Variants in FAM227A observed in about 807,000 individuals in gnomAD.
FAM227A encodes the protein protein FAM227A.
A neutral mutation model predicts 74.7 loss-of-function variants in FAM227A; 80 were observed. That is an observed-to-expected ratio of 1.07 (90% CI 0.89 to 1.29). FAM227A has a LOEUF of 1.29. Ranked by LOEUF, FAM227A falls within the 50% of genes most tolerant of loss-of-function variation. The pLI, the probability that FAM227A is intolerant of heterozygous loss-of-function variation, is 0.00. For synonymous variants in FAM227A, 237 were observed against 241.8 expected, an observed-to-expected ratio of 0.98 and a Z score of 0.19; for missense variants, 654 against 683.4, an observed-to-expected ratio of 0.96 and a Z score of 0.48.
chr22:38,597,479 C>T (rs1396998897), intron 14 of FAM227A, 123 bp from the exon 15 acceptor site: 17 of 934,892 alleles, frequency 1.8e-5, no homozygotes, highest in East Asian at 2.6e-5. Flanking sequence ...AAATGCCCTG[C>T]GTTTCTGGAT....
intron 13 of FAM227A, among the ~76,000 whole-genome samples, chr22:38,603,125 C>T (rs1480301085): frequency 1.3e-5 from 2 of 152,140 alleles, no homozygotes; most frequent in Non-Finnish European, 2.9e-5. Flanking sequence ...CTGCCCACCT[C>T]GACCTCCCAA....
rs1359918298 is a variant in FAM227A at position 38,649,952 on chromosome 22, C to A, written c.142+75G>T. ...GTAATGTGCATTATAGACCTGAGCACTGATTAGATCTCTGTGGCATGACTC... is the reference window on the plus strand; with the variant it reads ...GTAATGTGCATTATAGACCTGAGCAATGATTAGATCTCTGTGGCATGACTC... On this transcript the variant is annotated intron_variant, in intron 2 of 16. Coordinates refer to ENST00000535113, the MANE Select transcript of FAM227A (RefSeq NM_001013647.2). The A allele has an allele frequency of 8.1e-6, 11 of 1,353,654 alleles. No homozygotes were observed. The African/African-American group carries it at 1.6e-4, about 20-fold the overall frequency. 83.9% of individuals were successfully genotyped at this position (1,353,654 alleles called of 1,614,324 possible). A position where few individuals can be genotyped will look rare whatever the true frequency, so the allele number is the denominator to read the frequency against.
At chr22:38,588,096 A>G (rs1284453707) in intron 16 of FAM227A, among the ~76,000 whole-genome samples, 1 of 152,174 alleles carries the variant, frequency 6.6e-6, no homozygotes, top group African/African-American at 2.4e-5. Flanking sequence ...CCCACAGATA[A>G]CAGCACACTC....
intron 9 of FAM227A, among the ~76,000 whole-genome samples, chr22:38,625,214 C>T (rs1378439611): frequency 6.6e-6 from 1 of 151,748 alleles, no homozygotes; most frequent in Non-Finnish European, 1.5e-5. Context: ...ACAGTGAAAC[C>T]CCGTCTCTAC....
intron 11 of FAM227A, among the ~76,000 whole-genome samples, chr22:38,619,426 C>T (rs1342606343): frequency 6.6e-6 from 1 of 152,162 alleles, no homozygotes; most frequent in African/African-American, 2.4e-5. Flanking sequence ...CGGGTTCAAG[C>T]AATTCTTGTG....
At chr22:38,650,564 T>A (rs900338559) in intron 1 of FAM227A, among the ~76,000 whole-genome samples, 10 of 152,162 alleles carry the variant, frequency 6.6e-5, no homozygotes, top group Admixed American at 6.6e-4. Context: ...TCCAGACCAC[T>A]CAGCAAGTCA....
chr22:38,623,455 G>A lies in FAM227A; in HGVS notation c.851-176C>T, dbSNP rs201599047. Among the ~76,000 whole-genome samples, 10 of 152,292 alleles carry A rather than the reference G, an allele frequency of 6.6e-5. No homozygotes were observed. In the East Asian group the frequency reaches 1.7e-3, roughly 26 times the overall value. On this transcript the variant is annotated intron_variant, in intron 9 of 16. Coordinates refer to ENST00000535113, the MANE Select transcript of FAM227A (RefSeq NM_001013647.2). ...AATTAAAAAAAGAGTGAAAATGGAC[G>A]CTTCTGCAAAAGAGGCCTGGGGAGC...
chr22:38,649,893 A>T, intron 2 of FAM227A, 134 bp downstream of exon 2: 1 of 819,526 alleles, frequency 1.2e-6, no homozygotes, highest in Non-Finnish European at 1.8e-6. Context: ...AGAAAAGAAA[A>T]GAAAAAATGA....
chr22:38,636,036 G>A (rs1569229680), intron 6 of FAM227A, among the ~76,000 whole-genome samples: 1 of 144,972 alleles, frequency 6.9e-6, no homozygotes, highest in East Asian at 2.0e-4. Context: ...AAGAGAGAAA[G>A]AGAAAGAGAG....
intron 16 of FAM227A, among the ~76,000 whole-genome samples, chr22:38,586,687 T>C (rs1569183317): frequency 6.6e-6 from 1 of 152,154 alleles, no homozygotes; most frequent in Non-Finnish European, 1.5e-5. Flanking sequence ...CTTTCTTTTT[T>C]GGGACGGAGT....
chr22:38,582,752 T>A lies in FAM227A; in HGVS notation c.*3373A>T. On this transcript the variant is annotated 3_prime_UTR_variant, in exon 17 of 17. Transcript: ENST00000535113. ...CTTCTTGCTGTATGGGGGCTAATAGTAGCGGTGGATAGGTAGACAGGCAAT... is the reference window on the plus strand; with the variant it reads ...CTTCTTGCTGTATGGGGGCTAATAGAAGCGGTGGATAGGTAGACAGGCAAT... 1 of 1,394,744 alleles carries A rather than the reference T, an allele frequency of 7.2e-7. No homozygotes were observed. The highest frequency in any genetic ancestry group is 2.5e-5 in the East Asian group (1 of 40,102). The allele number at this position is 1,394,744 out of a possible 1,614,324, so 86.4% of individuals were successfully genotyped here.
Position 38,580,541 on chromosome 22 carries a change from T to A in FAM227A, c.*5584A>T, listed in dbSNP as rs559278953. 1 of 152,216 alleles carries A rather than the reference T, an allele frequency of 6.6e-6. No homozygotes were observed. The highest frequency in any genetic ancestry group is 6.5e-5 in the Admixed American group (1 of 15,284). The allele number at this position is 152,216 out of a possible 1,614,324, so 9.4% of individuals were successfully genotyped here. On this transcript the variant is annotated 3_prime_UTR_variant, in exon 17 of 17. Transcript: ENST00000535113. ...CTTTTGTGATGTAAGCAGCCATGGATAATCAACCTAGATCCATTAATTCAT... is the reference window on the plus strand; with the variant it reads ...CTTTTGTGATGTAAGCAGCCATGGAAAATCAACCTAGATCCATTAATTCAT...
At chr22:38,608,245 T>C (rs1029063445) in intron 11 of FAM227A, among the ~76,000 whole-genome samples, 6 of 151,950 alleles carry the variant, frequency 3.9e-5, no homozygotes, top group African/African-American at 1.5e-4. Flanking sequence ...GGAGGATTGC[T>C]TGAGCCTGGA....
At chr22:38,625,904 T>C (rs1011488939) in intron 9 of FAM227A, among the ~76,000 whole-genome samples, 15 of 146,992 alleles carry the variant, frequency 1.0e-4, no homozygotes, top group Non-Finnish European at 1.9e-4. Flanking sequence ...GATCGCACCA[T>C]TGCACTCCAG....
At chr22:38,631,733 G>A (rs2091918982) in intron 6 of FAM227A, among the ~76,000 whole-genome samples, 1 of 152,068 alleles carries the variant, frequency 6.6e-6, no homozygotes. Flanking sequence ...CCTGGTGCCG[G>A]GACTGGGAGC....
At chr22:38,635,408 T>G (rs1411139554) in intron 6 of FAM227A, among the ~76,000 whole-genome samples, 1 of 151,918 alleles carries the variant, frequency 6.6e-6, no homozygotes, top group Non-Finnish European at 1.5e-5. Flanking sequence ...TGATCAGAGC[T>G]GCTTTGGGGA....
Position 38,626,891 on chromosome 22 carries a change from A to AAAAAATAT in FAM227A, c.727-589_727-588insATATTTTT, listed in dbSNP as rs1555966996. On this transcript the variant is annotated intron_variant, in intron 8 of 16. Transcript: ENST00000535113. Reference sequence around the variant, plus strand: ...AAAAAAAAAAAAAAAAAAAAAAAAAAATATATATATATATATATATATACA... The same window carrying AAAAAATAT: ...AAAAAAAAAAAAAAAAAAAAAAAAAAAAAAATATATATATATATATATATATATATACA... Among the ~76,000 whole-genome samples the AAAAAATAT allele has an allele frequency of 3.5e-4, 20 of 57,688 alleles. 1 individual carries two copies. The highest frequency in any genetic ancestry group is 1.5e-3 in the African/African-American group (17 of 11,438). The allele number at this position is 57,688 out of a possible 152,430, so 37.8% of individuals were successfully genotyped here.
At chr22:38,591,625 G>T in intron 15 of FAM227A, 85 bp from the exon 16 acceptor site, 1 of 877,666 alleles carries the variant, frequency 1.1e-6, no homozygotes, top group Non-Finnish European at 1.7e-6. Context: ...TAAACTGATA[G>T]ATCCACGTGA....
intron 2 of FAM227A, among the ~76,000 whole-genome samples, chr22:38,646,990 A>C (rs912297613): frequency 6.6e-6 from 1 of 151,688 alleles, no homozygotes; most frequent in Non-Finnish European, 1.5e-5. Context: ...CTCTACTAAA[A>C]ATACAAAAAA....
Sources: allele counts gnomAD v4.1 joint callset (sites outside exome capture counted in the v4.1 genomes callset), GRCh38; gene constraint gnomAD v4.1.1; transcripts MANE v1.5; gene names NCBI Gene and HGNC (gene_info 2026-07-23, HGNC 2026-07-21).